The following CRPPA variants were observed in gnomAD, a reference collection of about 807,000 sequenced individuals.
The protein encoded by CRPPA is CDP-L-ribitol pyrophosphorylase A, also known as D-ribitol-5-phosphate cytidylyltransferase.
CRPPA carries 43 observed loss-of-function variants against 52.0 expected under a neutral mutation model. That is an observed-to-expected ratio of 0.83 (90% CI 0.65 to 1.07). CRPPA has a LOEUF of 1.07. CRPPA is among the 50% of genes least tolerant of loss of function. CRPPA has a pLI of 0.00. For missense variants in CRPPA, 629 were observed against 551.7 expected, an observed-to-expected ratio of 1.14 and a Z score of -1.40; for synonymous variants, 250 against 203.5, an observed-to-expected ratio of 1.23 and a Z score of -1.94.
intron 6 of CRPPA, chr7:16,277,499 A>T (rs995053619): frequency 1.3e-5 from 2 of 152,200 alleles, no homozygotes; most frequent in African/African-American, 2.4e-5. Context: ...ATATATTTTA[A>T]TGAAAACAGA....
chr7:16,334,326 C>T (rs1486702018), intron 3 of CRPPA, among the ~76,000 whole-genome samples: 1 of 152,070 alleles, frequency 6.6e-6, no homozygotes. Flanking sequence ...CAAACTAAGC[C>T]CTGGTGTTCT....
In CRPPA at chr7:16,351,854, G is replaced by A. The variant is rs566398241; in HGVS notation, c.684+24238C>T. Among the ~76,000 whole-genome samples the A allele has an allele frequency of 2.0e-5, 3 of 152,222 alleles. No homozygotes were observed. The South Asian group carries it at 6.2e-4, about 32-fold the overall frequency. Reference sequence around the variant, plus strand: ...TTCAACCATTGTGGAAGACAGTGTGGCAACTCCTCAAGAATCTAGAACCAG... The same window carrying A: ...TTCAACCATTGTGGAAGACAGTGTGACAACTCCTCAAGAATCTAGAACCAG... On this transcript the variant is annotated intron_variant, in intron 3 of 9. Transcript: ENST00000407010.
At chr7:16,226,071 G>A (rs936364490) in intron 8 of CRPPA, among the ~76,000 whole-genome samples, 1 of 151,852 alleles carries the variant, frequency 6.6e-6, no homozygotes, top group African/African-American at 2.4e-5. Context: ...CTTCTCTTAG[G>A]TGCAAACCAA....
At chr7:16,385,431 C>T (rs112041873) in intron 2 of CRPPA, among the ~76,000 whole-genome samples, 1 of 152,106 alleles carries the variant, frequency 6.6e-6, no homozygotes, top group Non-Finnish European at 1.5e-5. Context: ...AGCAAGAGAA[C>T]ATCAATATTA....
chr7:16,294,773 T>A (rs890354570), intron 5 of CRPPA, among the ~76,000 whole-genome samples: 1 of 151,972 alleles, frequency 6.6e-6, no homozygotes, highest in South Asian at 2.1e-4. Context: ...ACTAACAACA[T>A]AAATGGTGTT....
intron 3 of CRPPA, among the ~76,000 whole-genome samples, chr7:16,311,861 T>C (rs543674083): frequency 6.6e-6 from 1 of 152,116 alleles, no homozygotes; most frequent in Non-Finnish European, 1.5e-5. Context: ...AACATTTGGT[T>C]GAAAAGACAG....
intron 9 of CRPPA, among the ~76,000 whole-genome samples, chr7:16,161,042 T>G (rs562129778): frequency 6.6e-6 from 1 of 152,356 alleles, no homozygotes; most frequent in East Asian, 1.9e-4. Context: ...AAATTGCTTA[T>G]CAGCTTAAGG....
chr7:16,386,212 A>G (rs1169487570), intron 2 of CRPPA, among the ~76,000 whole-genome samples: 3 of 152,112 alleles, frequency 2.0e-5, no homozygotes, highest in Admixed American at 6.5e-5. Context: ...CCAGTGGTCA[A>G]TCTTCTCTCT....
chr7:16,221,562 TA>T (rs1374001714), intron 8 of CRPPA, among the ~76,000 whole-genome samples: 29 of 152,102 alleles, frequency 1.9e-4, no homozygotes, highest in African/African-American at 6.7e-4. Flanking sequence ...AAAGGGCTAA[TA>T]TCCAGAATCT....
chr7:16,205,710 G>C (rs1316654810), intron 9 of CRPPA, among the ~76,000 whole-genome samples: 2 of 151,896 alleles, frequency 1.3e-5, no homozygotes, highest in Non-Finnish European at 2.9e-5. Context: ...TTCTTATCTA[G>C]GGGCTTTGGC....
intron 8 of CRPPA, among the ~76,000 whole-genome samples, chr7:16,240,926 CTA>C (rs968615877): frequency 2.6e-5 from 4 of 152,086 alleles, no homozygotes; most frequent in South Asian, 2.1e-4. Context: ...GAAGGAATCA[CTA>C]TGTTTTTTAA....
chr7:16,376,052 T>C, intron 3 of CRPPA, 40 bp downstream of exon 3: 1 of 1,538,862 alleles, frequency 6.5e-7, no homozygotes. Flanking sequence ...TTGGGGAACC[T>C]GACATAACAG....
chr7:16,236,249 G>A (rs1348964135), intron 8 of CRPPA, among the ~76,000 whole-genome samples: 1 of 152,038 alleles, frequency 6.6e-6, no homozygotes, highest in African/African-American at 2.4e-5. Flanking sequence ...CTACTCAGTA[G>A]GCAGAGGAGT....
chr7:16,349,388 T>C (rs1326755214), intron 3 of CRPPA, among the ~76,000 whole-genome samples: 1 of 152,026 alleles, frequency 6.6e-6, no homozygotes, highest in Non-Finnish European at 1.5e-5. Context: ...AAAACAACAG[T>C]GTCAAAGAAA....
intron 9 of CRPPA, among the ~76,000 whole-genome samples, chr7:16,200,686 C>T (rs1335350710): frequency 6.6e-6 from 1 of 152,178 alleles, no homozygotes; most frequent in Non-Finnish European, 1.5e-5. Flanking sequence ...AAACTTCTCA[C>T]AAGGCTTTTT....
intron 9 of CRPPA, among the ~76,000 whole-genome samples, chr7:16,130,307 G>T (rs945453762): frequency 6.6e-6 from 1 of 152,162 alleles, no homozygotes; most frequent in African/African-American, 2.4e-5. Flanking sequence ...TCTAAATAAA[G>T]TCTCCAGAAA....
intron 9 of CRPPA, among the ~76,000 whole-genome samples, chr7:16,102,006 C>T (rs1782055574): frequency 6.6e-6 from 1 of 152,124 alleles, no homozygotes; most frequent in South Asian, 2.1e-4. Context: ...CAAGACAATC[C>T]TAAGCAAAAA....
chr7:16,166,098 A>G (rs1413786480), intron 9 of CRPPA, among the ~76,000 whole-genome samples: 2 of 152,192 alleles, frequency 1.3e-5, no homozygotes, highest in Admixed American at 1.3e-4. Context: ...TTGGTACACA[A>G]AGTCAAACCT....
At chr7:16,193,555 T>C (rs1781660727) in intron 9 of CRPPA, among the ~76,000 whole-genome samples, 1 of 152,074 alleles carries the variant, frequency 6.6e-6, no homozygotes, top group Non-Finnish European at 1.5e-5. Context: ...AATATAAATA[T>C]TGAGATAATA....
Sources: allele counts gnomAD v4.1 joint callset (sites outside exome capture counted in the v4.1 genomes callset), GRCh38; gene constraint gnomAD v4.1.1; transcripts MANE v1.5; gene names NCBI Gene and HGNC (gene_info 2026-07-23, HGNC 2026-07-21).